AFDN: variants seen among roughly 807,000 people sequenced by gnomAD.
AFDN encodes the protein afadin, adherens junction formation factor, also known as afadin.
AFDN carries 68 observed loss-of-function variants against 216.6 expected under a neutral mutation model. The observed-to-expected ratio is 0.31, with a 90% CI of 0.26 to 0.38. The LOEUF is 0.38. Ranked by LOEUF, AFDN falls within the 10% of genes least tolerant of loss-of-function variation. The pLI, the probability that AFDN is intolerant of heterozygous loss-of-function variation, is 1.00. For synonymous variants in AFDN, 868 were observed against 853.7 expected (o/e 1.02, Z -0.29); for missense variants, 2,136 against 2,342.0 (o/e 0.91, Z 1.82).
chr6:167,857,230 G>T lies in AFDN; in HGVS notation c.106-7321G>T, dbSNP rs554593818. Among the ~76,000 whole-genome samples the T allele has an allele frequency of 2.0e-3, 270 of 136,904 alleles. 2 individuals carry two copies. Among genetic ancestry groups the T allele is most frequent in the Middle Eastern group, 4.0e-3 (1 of 252 alleles). 89.8% of individuals were successfully genotyped at this position (136,904 alleles called of 152,430 possible). On this transcript the variant is annotated intron_variant, in intron 1 of 33. Transcript: ENST00000683244. The stretch of plus-strand genomic sequence containing the variant: ...AGAGAGAGCGAGAGATAGGATGGGG[G>T]TGGGGATAGTTGATATTAGAGAGTG...
intron 23 of AFDN, among the ~76,000 whole-genome samples, chr6:167,927,857 T>C (rs1463559722): frequency 6.6e-6 from 1 of 152,200 alleles, no homozygotes; most frequent in East Asian, 1.9e-4. Context: ...CTGTCAGCCA[T>C]AGAGCTATGT....
At chr6:167,893,454 T>C (rs1213516715) in intron 8 of AFDN, among the ~76,000 whole-genome samples, 1 of 152,156 alleles carries the variant, frequency 6.6e-6, no homozygotes, top group East Asian at 1.9e-4. Flanking sequence ...TGAGATGTGG[T>C]CATGAGCTCA....
rs1450554511 is a variant in AFDN, at chr6:167,948,492, G to T, written c.3831+14G>T. Reference sequence around the variant, plus strand: ...ATTGCAATTCAGGTTAGAAATCAAAGATTCCACACACTTTTCTCACCTCTC... The same window carrying T: ...ATTGCAATTCAGGTTAGAAATCAAATATTCCACACACTTTTCTCACCTCTC... On this transcript the variant is annotated intron_variant, in intron 29 of 33. Coordinates refer to ENST00000683244, the MANE Select transcript of AFDN (RefSeq NM_001386888.1). The T allele has an allele frequency of 6.2e-7, 1 of 1,610,044 alleles. No individual in the cohort carries two copies. The highest frequency in any genetic ancestry group is 1.3e-5 in the African/African-American group (1 of 74,816).
intron 23 of AFDN, among the ~76,000 whole-genome samples, chr6:167,933,559 A>G (rs73034966): frequency 0.026 from 3,890 of 152,322 alleles, 72 homozygotes; most frequent in Non-Finnish European, 0.033. Flanking sequence ...CCAAAGACCT[A>G]TTGTGCTTAC....
chr6:167,914,555 A>C, intron 17 of AFDN, 89 bp from the exon 18 acceptor site: 1 of 1,006,480 alleles, frequency 9.9e-7, no homozygotes, highest in Non-Finnish European at 1.5e-6. Context: ...AATATTTTTT[A>C]AGAGTCCAGA....
intron 1 of AFDN, among the ~76,000 whole-genome samples, chr6:167,857,748 GA>G (rs1428752139): frequency 1.3e-5 from 2 of 152,040 alleles, no homozygotes; most frequent in Non-Finnish European, 2.9e-5. Flanking sequence ...TGTTAATAAA[GA>G]AGCACTTATA....
chr6:167,946,635 T>C lies in AFDN; in HGVS notation c.3359-72T>C, dbSNP rs879038403. On this transcript the variant is annotated intron_variant, in intron 26 of 33. Coordinates refer to ENST00000683244, the MANE Select transcript of AFDN (RefSeq NM_001386888.1). ...TATTTCTTATGCTAAGAACAATTCT[T>C]ATGGAATTTTAATGATAATCAGGGT... The C allele has an allele frequency of 1.3e-5, 17 of 1,345,314 alleles. 1 individual carries two copies. The Admixed American group carries it at 3.2e-4, about 26-fold the overall frequency. 83.3% of individuals were successfully genotyped at this position (1,345,314 alleles called of 1,614,324 possible). A position where few individuals can be genotyped will look rare whatever the true frequency, so the allele number is the denominator to read the frequency against.
chr6:167,900,466 C>T (rs1304631120), intron 11 of AFDN, among the ~76,000 whole-genome samples: 1 of 152,128 alleles, frequency 6.6e-6, no homozygotes, highest in Non-Finnish European at 1.5e-5. Flanking sequence ...GGAGGAGCGA[C>T]CCATGATTGT....
intron 1 of AFDN, among the ~76,000 whole-genome samples, chr6:167,828,653 T>C (rs530400203): frequency 6.6e-6 from 1 of 152,348 alleles, no homozygotes; most frequent in Non-Finnish European, 1.5e-5. Flanking sequence ...CATGATAATT[T>C]AGTTTCAGGA....
rs1305575999 is a variant in AFDN, at chr6:167,827,250, G to T, written c.105+13G>T. The T allele has an allele frequency of 9.0e-7, 1 of 1,109,514 alleles. No individual in the cohort carries two copies. The highest frequency in any genetic ancestry group is 3.5e-5 in the Admixed American group (1 of 28,390). The allele number at this position is 1,109,514 out of a possible 1,614,324, so 68.7% of individuals were successfully genotyped here. On this transcript the variant is annotated intron_variant, in intron 1 of 33. Transcript: ENST00000683244. ...CCAGCCGACCGAGGTGAGCACCGCC[G>T]GGCGCGGGGCCTGCGCGACCCCCGC...
Position 167,827,221 on chromosome 6 carries a change from TC to T in AFDN, c.90del (p.Ser31AlafsTer12). On this transcript the variant is annotated frameshift_variant, in exon 1 of 34. Coordinates refer to ENST00000683244, the MANE Select transcript of AFDN (RefSeq NM_001386888.1). LOFTEE classifies it high-confidence loss of function. Reference sequence around the variant, plus strand: ...GCCAACCGGCTGGACCTGTTCGAGATCAGCCAGCCGACCGAGGTGAGCACCG... The same window carrying T: ...GCCAACCGGCTGGACCTGTTCGAGATAGCCAGCCGACCGAGGTGAGCACCG... The part of the protein sequence containing the change: ...WNANRLDLFE[I>X]SQPTEDLEFH... 1 of 1,231,224 alleles carries T rather than the reference TC, an allele frequency of 8.1e-7. No homozygotes were observed. The highest frequency in any genetic ancestry group is 1.5e-5 in the South Asian group (1 of 67,842). The allele number at this position is 1,231,224 out of a possible 1,614,324, so 76.3% of individuals were successfully genotyped here.
intron 30 of AFDN, among the ~76,000 whole-genome samples, chr6:167,958,867 G>A (rs1796773808): frequency 6.6e-6 from 1 of 152,224 alleles, no homozygotes; most frequent in South Asian, 2.1e-4. Context: ...TCTGGGGGAA[G>A]TCAGACTGTA....
At chr6:167,889,433 G>A in intron 7 of AFDN, 107 bp downstream of exon 7, 2 of 787,602 alleles carry the variant, frequency 2.5e-6, no homozygotes, top group African/African-American at 1.7e-5. Flanking sequence ...TTTTTGGATG[G>A]CCTTGTTGTT....
chr6:167,910,559 C>G (rs547715606), intron 13 of AFDN, among the ~76,000 whole-genome samples: 27 of 152,284 alleles, frequency 1.8e-4, no homozygotes, highest in Middle Eastern at 3.4e-3. Flanking sequence ...TAGAACATCT[C>G]TTTATAAGGC....
rs371111518 is a variant in AFDN at position 167,946,545 on chromosome 6, A to T, written c.3359-162A>T. Among the ~76,000 whole-genome samples, 599 of 150,920 alleles carry T rather than the reference A, an allele frequency of 4.0e-3. 4 individuals carry two copies. Among genetic ancestry groups the T allele is most frequent in the African/African-American group, 0.014 (577 of 41,194 alleles). The stretch of plus-strand genomic sequence containing the variant: ...CTAATTAAGTAAAAATATTTTCTTT[A>T]TTCTCAGTATATTTACTTAAAAGCT... On this transcript the variant is annotated intron_variant, in intron 26 of 33. Coordinates refer to ENST00000683244, the MANE Select transcript of AFDN (RefSeq NM_001386888.1).
intron 17 of AFDN, 45 bp from the exon 18 acceptor site, chr6:167,914,599 C>A: frequency 7.5e-7 from 1 of 1,332,228 alleles, no homozygotes; most frequent in Non-Finnish European, 1.1e-6. Context: ...CTGACAATAG[C>A]TGTCTGTCAT....
chr6:167,856,123 C>T (rs1046137522), intron 1 of AFDN, among the ~76,000 whole-genome samples: 1 of 152,092 alleles, frequency 6.6e-6, no homozygotes, highest in East Asian at 1.9e-4. Flanking sequence ...CATATAGCTG[C>T]CTCATTTATC....
chr6:167,917,302 C>A (rs1043106305), intron 20 of AFDN, 70 bp downstream of exon 20: 4 of 1,359,522 alleles, frequency 2.9e-6, no homozygotes, highest in African/African-American at 1.5e-5. Context: ...GATGAAAAAA[C>A]AAAAGGAAAT....
Position 167,948,428 on chromosome 6 carries a change from G to A in AFDN, c.3781G>A (p.Glu1261Lys). The change falls in exon 29 of 34, where the codon GAA becomes AAA. Residue 1261 changes from glutamate to lysine, a missense_variant. Glu to Lys is a moderately conservative substitution (Grantham distance 56). This residue lies in a region of AFDN where 981 missense variants were observed against 966.0 expected (regional missense o/e 1.02). Transcript: ENST00000683244. ...PPQNQWPNYE[E>K]KPHMHTDSNH... ...TCAGAACCAGTGGCCAAATTATGAG[G>A]AAAAGCCACATATGCACACAGATAG... 1 of 1,614,166 alleles carries A rather than the reference G, an allele frequency of 6.2e-7. No individual in the cohort carries two copies. The highest frequency in any genetic ancestry group is 8.5e-7 in the Non-Finnish European group (1 of 1,180,032).
Sources: gnomAD v4.1 joint callset for allele counts (sites outside exome capture counted in the v4.1 genomes callset) on GRCh38, gnomAD v4.1.1 for gene constraint, gnomAD v4.1.1 regional missense constraint, MANE v1.5 for transcripts, NCBI Gene and HGNC (gene_info 2026-07-23, HGNC 2026-07-21) for gene names.